MAGI2: variants seen among roughly 807,000 people sequenced by gnomAD.
MAGI2 encodes the protein membrane associated guanylate kinase, WW and PDZ domain containing 2, also known as membrane-associated guanylate kinase, WW and PDZ domain-containing protein 2.
MAGI2 carries 35 observed loss-of-function variants against 133.3 expected under a neutral mutation model. The observed-to-expected ratio is 0.26, with a 90% CI of 0.20 to 0.35. MAGI2 has a LOEUF of 0.35. Among genes scored for constraint, MAGI2 ranks in the 10% least tolerant of loss-of-function variants. The probability of loss-of-function intolerance (pLI) is 1.00; values close to 1 mark genes in which losing one functional copy is unlikely to be tolerated. For missense variants in MAGI2, 1,636 were observed against 1,863.4 expected (o/e 0.88, Z 2.25); for synonymous variants, 729 against 710.6 (o/e 1.03, Z -0.41).
At chr7:78,064,942 C>G (rs1231646434) in intron 21 of MAGI2, among the ~76,000 whole-genome samples, 1 of 152,066 alleles carries the variant, frequency 6.6e-6, no homozygotes, top group Non-Finnish European at 1.5e-5. Context: ...CCTTTTGAAA[C>G]AGTAGCGAAT....
chr7:79,310,179 AAAAAAAAAAAAAAAAAG>A (rs1215031532), intron 1 of MAGI2, among the ~76,000 whole-genome samples: 23 of 144,480 alleles, frequency 1.6e-4, no homozygotes, highest in South Asian at 4.4e-4. Context: ...AAAAAAAAAA[AAAAAAAAAAAAAAAAAG>A]AGAGAGAGAG....
At chr7:78,821,458 T>C (rs1292456527) in intron 2 of MAGI2, among the ~76,000 whole-genome samples, 1 of 151,992 alleles carries the variant, frequency 6.6e-6, no homozygotes, top group East Asian at 1.9e-4. Flanking sequence ...TGAGGGGCTA[T>C]TTTAGAAATG....
chr7:79,420,251 T>C (rs567442471), intron 1 of MAGI2, among the ~76,000 whole-genome samples: 1 of 152,168 alleles, frequency 6.6e-6, no homozygotes, highest in East Asian at 1.9e-4. Flanking sequence ...AACATGCAAC[T>C]GTCTCTACCT....
intron 3 of MAGI2, among the ~76,000 whole-genome samples, chr7:78,573,524 C>A (rs948557384): frequency 1.4e-5 from 2 of 144,286 alleles, no homozygotes; most frequent in Non-Finnish European, 3.0e-5. Context: ...TCAAAAATAG[C>A]AGCCTTTCGG....
chr7:78,998,002 A>G (rs1806480417), intron 2 of MAGI2, among the ~76,000 whole-genome samples: 1 of 152,156 alleles, frequency 6.6e-6, no homozygotes, highest in Admixed American at 6.5e-5. Context: ...AAAGCTTTGT[A>G]TTTCTCATTA....
At chr7:78,557,087 A>AAAAAAAAAAAAAAAAAAAAG (rs1799905395) in intron 3 of MAGI2, among the ~76,000 whole-genome samples, 1 of 145,434 alleles carries the variant, frequency 6.9e-6, no homozygotes, top group Non-Finnish European at 1.5e-5. Flanking sequence ...TCTCAAAAAA[A>AAAAAAAAAAAAAAAAAAAAG]AAAAAAAAAA....
chr7:78,219,116 A>G (rs1303447385), intron 10 of MAGI2, among the ~76,000 whole-genome samples: 1 of 152,056 alleles, frequency 6.6e-6, no homozygotes, highest in Non-Finnish European at 1.5e-5. Flanking sequence ...TGCCTCGTCT[A>G]CCTTCCTAAT....
At chr7:78,105,221 T>C (rs1447087313) in intron 20 of MAGI2, among the ~76,000 whole-genome samples, 1 of 152,214 alleles carries the variant, frequency 6.6e-6, no homozygotes, top group Non-Finnish European at 1.5e-5. Flanking sequence ...TAGTTTCCTG[T>C]TATATAAATA....
At chr7:78,758,496 A>G (rs957072695) in intron 2 of MAGI2, among the ~76,000 whole-genome samples, 4 of 152,276 alleles carry the variant, frequency 2.6e-5, no homozygotes, top group South Asian at 2.1e-4. Context: ...CCACACTTCA[A>G]TGTGTTTGCA....
At chr7:78,692,905 C>A (rs576132212) in intron 2 of MAGI2, among the ~76,000 whole-genome samples, 7 of 152,158 alleles carry the variant, frequency 4.6e-5, no homozygotes, top group Admixed American at 4.6e-4. Context: ...TTTCTTTCAC[C>A]GAACTAAAGA....
intron 2 of MAGI2, among the ~76,000 whole-genome samples, chr7:78,747,296 A>G (rs1376956025): frequency 6.6e-6 from 1 of 152,190 alleles, no homozygotes; most frequent in Admixed American, 6.5e-5. Context: ...TAAAAATAGT[A>G]TAATTCTACT....
intron 1 of MAGI2, among the ~76,000 whole-genome samples, chr7:79,028,912 C>T (rs1810292917): frequency 6.6e-6 from 1 of 152,024 alleles, no homozygotes; most frequent in Admixed American, 6.5e-5. Context: ...GAAATTTTTA[C>T]TGTCTTTTGA....
chr7:78,317,394 C>T (rs563449407), intron 9 of MAGI2, among the ~76,000 whole-genome samples: 14 of 152,316 alleles, frequency 9.2e-5, no homozygotes, highest in Admixed American at 9.1e-4. Context: ...TAGCCATTGG[C>T]CTCCACCTAA....
intron 13 of MAGI2, among the ~76,000 whole-genome samples, chr7:78,181,194 A>G (rs1007962487): frequency 6.6e-6 from 1 of 152,102 alleles, no homozygotes; most frequent in South Asian, 2.1e-4. Context: ...TATTAATGCA[A>G]GAACTTAAAG....
At position 78,837,286 on chromosome 7, in the gene MAGI2, A is replaced by G. The variant is rs575083168; in HGVS notation, c.418+169804T>C. Among the ~76,000 whole-genome samples, 10 of 152,248 alleles carry G rather than the reference A, an allele frequency of 6.6e-5. No individual in the cohort carries two copies. The South Asian group carries it at 1.7e-3, about 25-fold the overall frequency. ...TCTAGTTCAAAAATAGTTTTTTCAA[A>G]GAAGTCGTCTTTAAGCCTATCCTAC... On this transcript the variant is annotated intron_variant, in intron 2 of 21. Transcript: ENST00000354212.
chr7:78,607,184 T>A (rs919610038), intron 3 of MAGI2, among the ~76,000 whole-genome samples: 4 of 152,300 alleles, frequency 2.6e-5, no homozygotes, highest in Non-Finnish European at 2.9e-5. Flanking sequence ...GTGTGACTAT[T>A]GTGAGAGGGG....
intron 18 of MAGI2, among the ~76,000 whole-genome samples, chr7:78,131,700 A>T (rs908143335): frequency 6.6e-6 from 1 of 152,156 alleles, no homozygotes; most frequent in East Asian, 1.9e-4. Context: ...GCTCCCTGTT[A>T]TATACAAGTC....
chr7:79,339,980 G>A (rs1488204998), intron 1 of MAGI2, among the ~76,000 whole-genome samples: 3 of 152,096 alleles, frequency 2.0e-5, no homozygotes, highest in African/African-American at 4.8e-5. Flanking sequence ...TATATCCTGA[G>A]TATGTAGCAG....
At chr7:78,387,925 CAAAT>C (rs71085527) in intron 6 of MAGI2, among the ~76,000 whole-genome samples, 20,405 of 144,954 alleles carry the variant, frequency 0.14, 1,761 homozygotes, top group East Asian at 0.37. Context: ...AACTCTGTCT[CAAAT>C]AAATAAATAA....
Sources: gnomAD v4.1 joint callset for allele counts (sites outside exome capture counted in the v4.1 genomes callset) on GRCh38, gnomAD v4.1.1 for gene constraint, MANE v1.5 for transcripts, NCBI Gene and HGNC (gene_info 2026-07-23, HGNC 2026-07-21) for gene names.